The following CACNA2D3 variants were observed in gnomAD, a reference collection of about 807,000 sequenced individuals.
CACNA2D3 encodes the protein voltage-dependent calcium channel subunit alpha-2/delta-3.
Under a neutral mutation model 160.6 loss-of-function variants are expected in CACNA2D3, and 60 were observed. The ratio of observed to expected loss-of-function variants is 0.37; its 90% CI spans 0.30 to 0.46. The LOEUF (loss-of-function observed/expected upper bound fraction) is 0.46. CACNA2D3 is among the 20% of genes least tolerant of loss of function. CACNA2D3 has a pLI of 1.00. For missense variants in CACNA2D3, 1,205 were observed against 1,365.0 expected, an observed-to-expected ratio of 0.88 and a Z score of 1.85; for synonymous variants, 558 against 492.9, an observed-to-expected ratio of 1.13 and a Z score of -1.75.
chr3:54,323,512 G>A (rs533522404), intron 3 of CACNA2D3, among the ~76,000 whole-genome samples: 15 of 148,814 alleles, frequency 1.0e-4, no homozygotes, highest in African/African-American at 3.5e-4. Context: ...TGTTGCCCAG[G>A]CTGGAGTGCA....
At chr3:54,932,166 G>A (rs1331656898) in intron 27 of CACNA2D3, among the ~76,000 whole-genome samples, 1 of 152,090 alleles carries the variant, frequency 6.6e-6, no homozygotes, top group East Asian at 1.9e-4. Flanking sequence ...GCAACAGAGT[G>A]AGACCCTGTC....
intron 2 of CACNA2D3, among the ~76,000 whole-genome samples, chr3:54,222,054 C>T (rs1321782014): frequency 6.6e-6 from 1 of 152,116 alleles, no homozygotes; most frequent in Non-Finnish European, 1.5e-5. Flanking sequence ...CCCACGGATG[C>T]AGAACTTGCA....
rs527809665 is a variant in CACNA2D3, at chr3:54,664,487, C to A, written c.1167+22246C>A. On this transcript the variant is annotated intron_variant, in intron 11 of 37. Coordinates refer to ENST00000474759, the MANE Select transcript of CACNA2D3 (RefSeq NM_018398.3). ...TGCTTACTCCTCACCGCCACCTCCC[C>A]CTTTCAGCATCATCTGAAGCTAATT... 6.4e-4 allele frequency among the ~76,000 whole-genome samples: 97 copies of A among 152,348 alleles called. 2 individuals are homozygous for A. In the South Asian group the frequency reaches 0.019, roughly 31 times the overall value.
chr3:54,675,677 A>G (rs1001930554), intron 11 of CACNA2D3, among the ~76,000 whole-genome samples: 6 of 152,124 alleles, frequency 3.9e-5, no homozygotes, highest in African/African-American at 1.4e-4. Context: ...CTCATATTTC[A>G]GTCTTGTAAA....
At chr3:54,559,098 T>C (rs1250948352) in intron 5 of CACNA2D3, among the ~76,000 whole-genome samples, 2 of 152,128 alleles carry the variant, frequency 1.3e-5, no homozygotes, top group Non-Finnish European at 2.9e-5. Flanking sequence ...TCCTGACACT[T>C]GACAGCTATT....
chr3:54,706,527 C>T (rs895216054), intron 11 of CACNA2D3, among the ~76,000 whole-genome samples: 5 of 152,166 alleles, frequency 3.3e-5, no homozygotes, highest in Non-Finnish European at 4.4e-5. Flanking sequence ...TGGTATCTAT[C>T]CTCAGGCTTT....
intron 11 of CACNA2D3, among the ~76,000 whole-genome samples, chr3:54,702,637 C>T (rs1005965615): frequency 6.6e-6 from 1 of 152,112 alleles, no homozygotes; most frequent in African/African-American, 2.4e-5. Flanking sequence ...TTATACACTG[C>T]TGGTCTGAAA....
chr3:55,050,311 T>C (rs1202344141), intron 35 of CACNA2D3, among the ~76,000 whole-genome samples: 1 of 152,052 alleles, frequency 6.6e-6, no homozygotes, highest in Non-Finnish European at 1.5e-5. Context: ...GGTGACAGAA[T>C]CTCTCAGCAT....
intron 2 of CACNA2D3, among the ~76,000 whole-genome samples, chr3:54,319,974 G>T (rs986601814): frequency 1.3e-5 from 2 of 152,128 alleles, no homozygotes; most frequent in Non-Finnish European, 2.9e-5. Context: ...AAGAAAATCT[G>T]GCTTCACATA....
chr3:54,407,451 A>G (rs1699596969), intron 4 of CACNA2D3, among the ~76,000 whole-genome samples: 1 of 152,156 alleles, frequency 6.6e-6, no homozygotes, highest in South Asian at 2.1e-4. Flanking sequence ...TGTCTTCTTC[A>G]TCTTAAGATC....
intron 5 of CACNA2D3, among the ~76,000 whole-genome samples, chr3:54,554,479 A>T: frequency 6.6e-6 from 1 of 152,218 alleles, no homozygotes; most frequent in South Asian, 2.1e-4. Context: ...TCTACCCTGG[A>T]TAGTCTCAGG....
chr3:54,828,391 G>C (rs1283871448), intron 14 of CACNA2D3, among the ~76,000 whole-genome samples: 1 of 152,178 alleles, frequency 6.6e-6, no homozygotes, highest in Non-Finnish European at 1.5e-5. Context: ...CGGTTTCCAA[G>C]ACAGCTTTCA....
intron 14 of CACNA2D3, 69 bp downstream of exon 14, chr3:54,816,939 G>A (rs2106713700): frequency 6.5e-7 from 1 of 1,548,596 alleles, no homozygotes; most frequent in Middle Eastern, 1.7e-4. Flanking sequence ...CCATGGTGTT[G>A]TACATTTGAC....
rs1195524404 is a variant in CACNA2D3 at position 54,880,972 on chromosome 3, C to T, written c.1912+109C>T. 4 of 856,816 alleles carry T rather than the reference C, an allele frequency of 4.7e-6. No individual in the cohort carries two copies. In the African/African-American group the frequency reaches 6.7e-5, roughly 14 times the overall value. 53.1% of individuals were successfully genotyped at this position (856,816 alleles called of 1,614,324 possible). On this transcript the variant is annotated intron_variant, in intron 21 of 37. Coordinates refer to ENST00000474759, the MANE Select transcript of CACNA2D3 (RefSeq NM_018398.3). ...TCATCTGTCCGCACCTGTGACCAGT[C>T]CCTTGGACATTCCACTCAAACGAAT...
At chr3:55,004,910 C>T in intron 32 of CACNA2D3, 72 bp downstream of exon 32, 1 of 1,010,298 alleles carries the variant, frequency 9.9e-7, no homozygotes, top group South Asian at 1.4e-5. Flanking sequence ...TGTTATCTTC[C>T]TCTTTGGAGT....
At chr3:55,004,908 T>C in intron 32 of CACNA2D3, 70 bp downstream of exon 32, 1 of 1,075,158 alleles carries the variant, frequency 9.3e-7, no homozygotes, top group South Asian at 1.3e-5. Context: ...AGTGTTATCT[T>C]CCTCTTTGGA....
chr3:55,069,768 G>T (rs991060814), intron 35 of CACNA2D3, among the ~76,000 whole-genome samples: 13 of 152,126 alleles, frequency 8.5e-5, no homozygotes, highest in African/African-American at 2.9e-4. Flanking sequence ...GATTTTTATA[G>T]CTTGGCCAAA....
At chr3:54,124,727 GTTA>G (rs1436781958) in intron 2 of CACNA2D3, among the ~76,000 whole-genome samples, 1 of 152,174 alleles carries the variant, frequency 6.6e-6, no homozygotes, top group Non-Finnish European at 1.5e-5. Flanking sequence ...AATGACAAAA[GTTA>G]TTATGGTTTA....
At chr3:54,269,584 C>A (rs141322524) in intron 2 of CACNA2D3, among the ~76,000 whole-genome samples, 1 of 152,208 alleles carries the variant, frequency 6.6e-6, no homozygotes, top group East Asian at 1.9e-4. Flanking sequence ...AGAGTACCAA[C>A]CACCATCACT....
Sources: gnomAD v4.1 joint callset for allele counts (sites outside exome capture counted in the v4.1 genomes callset) on GRCh38, gnomAD v4.1.1 for gene constraint, MANE v1.5 for transcripts, NCBI Gene and HGNC (gene_info 2026-07-23, HGNC 2026-07-21) for gene names.